PHKB: variants seen among roughly 807,000 people sequenced by gnomAD.
The protein encoded by PHKB is phosphorylase kinase regulatory subunit beta.
PHKB carries 122 observed loss-of-function variants against 152.1 expected under a neutral mutation model. That is an observed-to-expected ratio of 0.80 (90% confidence interval 0.69 to 0.93). The LOEUF is 0.93. Ranked by LOEUF, PHKB falls within the 40% of genes least tolerant of loss-of-function variation. The probability of loss-of-function intolerance (pLI) is 0.00; values close to 1 mark genes in which losing one functional copy is unlikely to be tolerated. For missense variants in PHKB, 1,304 were observed against 1,328.4 expected, an observed-to-expected ratio of 0.98 and a Z score of 0.29; for synonymous variants, 436 against 464.9, an observed-to-expected ratio of 0.94 and a Z score of 0.80.
rs1263350832 is a variant in PHKB at position 47,499,028 on chromosome 16, T to C, written c.167-728T>C. The stretch of plus-strand genomic sequence containing the variant: ...TTAGTAAATGTAATTTTAGTGTTTG[T>C]GTTTTCCTATTTTAGAGCTCATTTA... On this transcript the variant is annotated intron_variant, in intron 2 of 30. Transcript: ENST00000323584. 1.6e-4 allele frequency among the ~76,000 whole-genome samples: 24 copies of C among 152,370 alleles called. No homozygotes were observed. The East Asian group carries it at 3.7e-3, about 23-fold the overall frequency.
At chr16:47,669,082 C>T in intron 25 of PHKB, 133 bp from the exon 26 acceptor site, 1 of 676,452 alleles carries the variant, frequency 1.5e-6, no homozygotes. Context: ...ATACCAGGAA[C>T]AGTTATTCTA....
chr16:47,507,434 C>A (rs192967939), intron 4 of PHKB, among the ~76,000 whole-genome samples: 1 of 152,088 alleles, frequency 6.6e-6, no homozygotes, highest in Non-Finnish European at 1.5e-5. Flanking sequence ...TTTATAATGG[C>A]ATTTCTTACT....
chr16:47,488,398 G>C (rs1483646685), intron 1 of PHKB, among the ~76,000 whole-genome samples: 1 of 152,028 alleles, frequency 6.6e-6, no homozygotes, highest in East Asian at 1.9e-4. Flanking sequence ...TTGTCTGTTT[G>C]CTCTATCGGT....
At chr16:47,566,932 T>C in intron 7 of PHKB, 4 of 572,864 alleles carry the variant, frequency 7.0e-6, no homozygotes, top group Non-Finnish European at 1.3e-5. Flanking sequence ...CTGGTATTGT[T>C]GAGGCTGCCA....
chr16:47,552,603 G>A (rs140643124), intron 7 of PHKB, among the ~76,000 whole-genome samples: 3 of 152,128 alleles, frequency 2.0e-5, no homozygotes, highest in African/African-American at 7.2e-5. Context: ...AAGGTCAGGA[G>A]TTCGAGACCA....
At chr16:47,571,671 T>G (rs1452400195) in intron 7 of PHKB, among the ~76,000 whole-genome samples, 3 of 152,124 alleles carry the variant, frequency 2.0e-5, no homozygotes, top group African/African-American at 7.2e-5. Context: ...CTACTCTCAC[T>G]GAGCTCCTGT....
At chr16:47,641,253 T>A (rs1351317264) in intron 15 of PHKB, among the ~76,000 whole-genome samples, 163 bp downstream of exon 15, 1 of 152,228 alleles carries the variant, frequency 6.6e-6, no homozygotes, top group Non-Finnish European at 1.5e-5. Context: ...ATGACCAGCA[T>A]ATTCTTTTCG....
chr16:47,521,136 A>G (rs1000875026), intron 6 of PHKB, among the ~76,000 whole-genome samples: 1 of 152,104 alleles, frequency 6.6e-6, no homozygotes, highest in Non-Finnish European at 1.5e-5. Flanking sequence ...TTAAGCTTTA[A>G]TCGTTTTTAT....
intron 6 of PHKB, among the ~76,000 whole-genome samples, chr16:47,524,754 T>C (rs542027270): frequency 9.2e-5 from 14 of 152,244 alleles, no homozygotes; most frequent in African/African-American, 3.4e-4. Flanking sequence ...AACGTTAGTA[T>C]TCATTTGTGT....
rs76850881 is a variant in PHKB at position 47,570,596 on chromosome 16, G to A, written c.711-9699G>A. On this transcript the variant is annotated intron_variant, in intron 7 of 30. Transcript: ENST00000323584. ...TTGTTAAAAATTTCCACTGCATTTT[G>A]TAACTCCCTAAATGAGTCCTTCATT... 1.4e-4 allele frequency among the ~76,000 whole-genome samples: 21 copies of A among 150,136 alleles called. No individual in the cohort carries two copies. In the East Asian group the frequency reaches 3.9e-3, roughly 28 times the overall value.
At position 47,515,529 on chromosome 16, in the gene PHKB, A is replaced by T. The variant is rs1321097349; in HGVS notation, c.522A>T (p.Ala174=). ...YEEYGHLQIN[A]VSLYLLYLVE... The stretch of plus-strand genomic sequence containing the variant: ...GTTTCTGTTTGTTGCAGATAAATGC[A>T]GTGTCACTTTATCTCCTTTACCTTG... Residue 174 remains alanine (A), a synonymous_variant, in exon 6 of 31, where the codon GCA becomes GCT. Transcript: ENST00000323584. 1.4e-6 allele frequency: 2 copies of T among 1,401,150 alleles called. No individual in the cohort carries two copies. Among genetic ancestry groups the T allele is most frequent in the Non-Finnish European group, 2.0e-6 (2 of 986,406 alleles). The allele number at this position is 1,401,150 out of a possible 1,614,324, so 86.8% of individuals were successfully genotyped here. A position where few individuals can be genotyped will look rare whatever the true frequency, so the allele number is the denominator to read the frequency against.
chr16:47,611,936 G>T (rs1195673973), intron 14 of PHKB, among the ~76,000 whole-genome samples: 3 of 152,180 alleles, frequency 2.0e-5, no homozygotes, highest in African/African-American at 7.2e-5. Flanking sequence ...ATGTAAGGGG[G>T]TATTTGGCCT....
Position 47,649,190 on chromosome 16 carries a change from A to T in PHKB, c.1783A>T (p.Ile595Leu). 1 of 1,576,978 alleles carries T rather than the reference A, an allele frequency of 6.3e-7. No homozygotes were observed. The highest frequency in any genetic ancestry group is 1.7e-5 in the Admixed American group (1 of 59,972). ...FYMSQDVFLL[I>L]DDIKNALQFI... is the part of the protein sequence containing the mutation. ...CATGTCTCAGGATGTTTTCCTGCTGATAGATGACATAAAGGTAGCTTCGGA... is the reference window on the plus strand; with the variant it reads ...CATGTCTCAGGATGTTTTCCTGCTGTTAGATGACATAAAGGTAGCTTCGGA... The change falls in exon 18 of 31, where the codon ATA becomes TTA. Residue 595 changes from isoleucine to leucine, a missense_variant. By Grantham distance (5) the Ile-to-Leu change is conservative. Transcript: ENST00000323584.
In PHKB at chr16:47,649,701, C is replaced by A. The variant is rs557433810; in HGVS notation, c.1797+497C>A. ...GCATTCGTTAAAATCTTGGCTCTGC[C>A]ACTTGCCAGCTGTGTGTTCTTGGGC... On this transcript the variant is annotated intron_variant, in intron 18 of 30. Transcript: ENST00000323584. 6.1e-5 allele frequency among the ~76,000 whole-genome samples: 9 copies of A among 147,384 alleles called. No homozygotes were observed. The East Asian group carries it at 1.7e-3, about 28-fold the overall frequency.
chr16:47,566,946 T>G, intron 7 of PHKB: 1 of 548,606 alleles, frequency 1.8e-6, no homozygotes, highest in East Asian at 3.5e-5. Context: ...GCTGCCATGT[T>G]GGGAGAGGCT....
intron 7 of PHKB, among the ~76,000 whole-genome samples, chr16:47,568,479 C>T (rs970101232): frequency 6.6e-6 from 1 of 152,060 alleles, no homozygotes; most frequent in African/African-American, 2.4e-5. Flanking sequence ...AAAGAACCAA[C>T]CTGTTGTTTC....
chr16:47,563,563 G>A (rs1971512164), intron 7 of PHKB, among the ~76,000 whole-genome samples: 1 of 152,118 alleles, frequency 6.6e-6, no homozygotes, highest in African/African-American at 2.4e-5. Context: ...AAAAAGATGT[G>A]CTGTCATTCA....
At chr16:47,559,271 G>A (rs545771263) in intron 7 of PHKB, among the ~76,000 whole-genome samples, 2 of 152,220 alleles carry the variant, frequency 1.3e-5, no homozygotes, top group South Asian at 4.1e-4. Flanking sequence ...CAGTACTACC[G>A]TAATTTGGTT....
chr16:47,661,582 C>T, intron 22 of PHKB, 137 bp from the exon 23 acceptor site: 1 of 698,670 alleles, frequency 1.4e-6, no homozygotes, highest in Non-Finnish European at 2.6e-6. Flanking sequence ...GATATTATAT[C>T]AATGACATTT....
Sources: gnomAD v4.1 joint callset for allele counts (sites outside exome capture counted in the v4.1 genomes callset) on GRCh38, gnomAD v4.1.1 for gene constraint, MANE v1.5 for transcripts, NCBI Gene and HGNC (gene_info 2026-07-23, HGNC 2026-07-21) for gene names.